Variants in ROBO1 observed in about 807,000 individuals in gnomAD.
The protein encoded by ROBO1 is roundabout guidance receptor 1, also known as roundabout homolog 1.
A neutral mutation model predicts 195.9 loss-of-function variants in ROBO1; 149 were observed. The ratio of observed to expected loss-of-function variants is 0.76; its 90% CI spans 0.67 to 0.87. The LOEUF (loss-of-function observed/expected upper bound fraction) is 0.87, where lower values mean the gene tolerates loss of function less well. Among genes scored for constraint, ROBO1 ranks in the 40% least tolerant of loss-of-function variants. ROBO1 has a pLI of 0.00. For missense variants in ROBO1, 1,933 were observed against 2,068.3 expected, an observed-to-expected ratio of 0.93 and a Z score of 1.27; for synonymous variants, 816 against 733.2, an observed-to-expected ratio of 1.11 and a Z score of -1.82.
At chr3:79,184,241 A>G (rs2081396544) in intron 2 of ROBO1, among the ~76,000 whole-genome samples, 1 of 152,178 alleles carries the variant, frequency 6.6e-6, no homozygotes, top group Admixed American at 6.5e-5. Flanking sequence ...CTGATCGTTA[A>G]TGCTCTTCTG....
chr3:79,271,865 T>A (rs1166339605), intron 2 of ROBO1, among the ~76,000 whole-genome samples: 1 of 152,096 alleles, frequency 6.6e-6, no homozygotes, highest in Non-Finnish European at 1.5e-5. Flanking sequence ...CCCTTCATTA[T>A]TGACCTTTAA....
At chr3:78,693,195 T>C (rs1316528405) in intron 8 of ROBO1, 12 of 989,060 alleles carry the variant, frequency 1.2e-5, no homozygotes, top group African/African-American at 1.7e-5. Context: ...CTGCAGACTT[T>C]ATTCTGTGCA....
At chr3:79,049,722 G>T (rs540069743) in intron 3 of ROBO1, among the ~76,000 whole-genome samples, 2 of 152,168 alleles carry the variant, frequency 1.3e-5, no homozygotes, top group African/African-American at 4.8e-5. Flanking sequence ...CTACAAGCCA[G>T]AAGAGAGTGG....
intron 1 of ROBO1, among the ~76,000 whole-genome samples, chr3:79,700,317 T>TTTTGTG (rs1553793339): frequency 8.3e-4 from 120 of 144,254 alleles, no homozygotes; most frequent in Middle Eastern, 3.6e-3. Context: ...GTGTGTGTGT[T>TTTTGTG]TGTGTGTGTG....
At chr3:78,794,652 A>T (rs533380573) in intron 4 of ROBO1, among the ~76,000 whole-genome samples, 7 of 152,194 alleles carry the variant, frequency 4.6e-5, no homozygotes, top group Non-Finnish European at 1.0e-4. Flanking sequence ...ATCTCAGCTC[A>T]CTGCAGCCCT....
At chr3:79,210,703 A>C (rs927910447) in intron 2 of ROBO1, among the ~76,000 whole-genome samples, 1 of 150,508 alleles carries the variant, frequency 6.6e-6, no homozygotes, top group African/African-American at 2.4e-5. Flanking sequence ...GTAAGCTAAG[A>C]TTTTTTTTTT....
chr3:78,931,849 C>G (rs890160995), intron 4 of ROBO1, among the ~76,000 whole-genome samples: 1 of 151,906 alleles, frequency 6.6e-6, no homozygotes, highest in Non-Finnish European at 1.5e-5. Flanking sequence ...TAGAGGCACA[C>G]ACTTTAGTCC....
chr3:78,685,338 T>C (rs1406820240), intron 10 of ROBO1, among the ~76,000 whole-genome samples: 2 of 152,154 alleles, frequency 1.3e-5, no homozygotes, highest in Non-Finnish European at 2.9e-5. Flanking sequence ...AGAAAACTTG[T>C]TCATTATCAT....
At chr3:79,342,441 G>C (rs1453977466) in intron 2 of ROBO1, among the ~76,000 whole-genome samples, 1 of 152,146 alleles carries the variant, frequency 6.6e-6, no homozygotes, top group Non-Finnish European at 1.5e-5. Flanking sequence ...TTTAAAGCTT[G>C]CTTTCTAGAT....
chr3:79,600,688 A>T (rs914973166), intron 1 of ROBO1, among the ~76,000 whole-genome samples: 1 of 151,854 alleles, frequency 6.6e-6, no homozygotes, highest in Non-Finnish European at 1.5e-5. Flanking sequence ...TTTAATTAAA[A>T]CCAGCTATGA....
intron 9 of ROBO1, among the ~76,000 whole-genome samples, chr3:78,686,339 G>A (rs1039467671): frequency 6.6e-6 from 1 of 151,964 alleles, no homozygotes; most frequent in Non-Finnish European, 1.5e-5. Context: ...GGCGGATCAC[G>A]AGGTCAGGAG....
At chr3:78,839,264 TC>T (rs1342224647) in intron 4 of ROBO1, among the ~76,000 whole-genome samples, 3 of 152,066 alleles carry the variant, frequency 2.0e-5, no homozygotes, top group Non-Finnish European at 4.4e-5. Context: ...ACTACTACCA[TC>T]ATATGTATCA....
chr3:79,494,212 T>C (rs1441293426), intron 2 of ROBO1, among the ~76,000 whole-genome samples: 1 of 152,172 alleles, frequency 6.6e-6, no homozygotes, highest in East Asian at 1.9e-4. Flanking sequence ...GAATTCATCT[T>C]TTTTGAATCC....
At chr3:78,946,920 CAAAG>C (rs989963653) in intron 3 of ROBO1, among the ~76,000 whole-genome samples, 63 of 152,068 alleles carry the variant, frequency 4.1e-4, no homozygotes, top group African/African-American at 1.5e-3. Flanking sequence ...TGAAAAGAGA[CAAAG>C]AAGGCTATTA....
At chr3:79,516,715 A>T (rs1429233946) in intron 2 of ROBO1, among the ~76,000 whole-genome samples, 1 of 152,192 alleles carries the variant, frequency 6.6e-6, no homozygotes, top group Non-Finnish European at 1.5e-5. Context: ...TATGTGTATC[A>T]GAATTAATTA....
intron 2 of ROBO1, among the ~76,000 whole-genome samples, chr3:79,564,912 G>T (rs902667786): frequency 6.6e-6 from 1 of 152,006 alleles, no homozygotes; most frequent in Non-Finnish European, 1.5e-5. Context: ...CACTTCATTT[G>T]ATTACCCAGT....
chr3:78,634,678 C>T (rs1194073872), intron 23 of ROBO1: 1 of 156,464 alleles, frequency 6.4e-6, no homozygotes, highest in Non-Finnish European at 1.4e-5. Flanking sequence ...CTGCAAACTC[C>T]ATGATTACAG....
intron 1 of ROBO1, among the ~76,000 whole-genome samples, chr3:79,736,674 T>C (rs1181626189): frequency 6.6e-6 from 1 of 152,206 alleles, no homozygotes; most frequent in Non-Finnish European, 1.5e-5. Flanking sequence ...GTCAGGCTAC[T>C]CCTGAGATCA....
intron 2 of ROBO1, among the ~76,000 whole-genome samples, chr3:79,540,919 C>T (rs1188998220): frequency 6.6e-6 from 1 of 152,094 alleles, no homozygotes; most frequent in African/African-American, 2.4e-5. Flanking sequence ...AAGTATTCAA[C>T]ACATAATTAT....
Sources: allele counts gnomAD v4.1 joint callset (sites outside exome capture counted in the v4.1 genomes callset), GRCh38; gene constraint gnomAD v4.1.1; transcripts MANE v1.5; gene names NCBI Gene and HGNC (gene_info 2026-07-23, HGNC 2026-07-21).